Variants in NDUFS6 observed in about 807,000 individuals in gnomAD.
The protein encoded by NDUFS6 is NADH dehydrogenase [ubiquinone] iron-sulfur protein 6, mitochondrial.
Under a neutral mutation model 13.2 loss-of-function variants are expected in NDUFS6, and 14 were observed. The ratio of observed to expected loss-of-function variants is 1.06; its 90% CI spans 0.70 to 1.66. NDUFS6 has a LOEUF of 1.66. Among genes scored for constraint, NDUFS6 ranks in the 40% most tolerant of loss-of-function variants. The probability of loss-of-function intolerance (pLI) is 0.00; values close to 1 mark genes in which losing one functional copy is unlikely to be tolerated. For missense variants in NDUFS6, 206 were observed against 170.8 expected, an observed-to-expected ratio of 1.21 and a Z score of -1.15; for synonymous variants, 95 against 72.3, an observed-to-expected ratio of 1.31 and a Z score of -1.60.
At chr5:1,815,619 G>C (rs778193826) in intron 3 of NDUFS6, among the ~76,000 whole-genome samples, 5 of 152,242 alleles carry the variant, frequency 3.3e-5, no homozygotes, top group Non-Finnish European at 5.9e-5. Context: ...CAGGCTGACA[G>C]TGATGTCCCT....
chr5:1,802,271 T>G, intron 1 of NDUFS6, 50 bp from the exon 2 acceptor site: 1 of 1,518,758 alleles, frequency 6.6e-7, no homozygotes. Flanking sequence ...TGAAGTGACT[T>G]TCAGAATTAG....
At position 1,801,446 on chromosome 5, in the gene NDUFS6, T is replaced by G. The variant is rs1261905741; in HGVS notation, c.29T>G (p.Leu10Arg). MAAAMTFCR[L>R]LNRCGEAARS... ...GCGGCGGCGATGACCTTCTGCCGGCTGCTGAACCGGTGTGGCGAGGCGGCG... is the reference window on the plus strand; with the variant it reads ...GCGGCGGCGATGACCTTCTGCCGGCGGCTGAACCGGTGTGGCGAGGCGGCG... The change falls in exon 1 of 4, where the codon CTG becomes CGG. Residue 10 changes from leucine (L) to arginine (R), a missense_variant. Leu to Arg is a moderately radical substitution (Grantham distance 102). Transcript: ENST00000274137. 4.4e-6 allele frequency: 7 copies of G among 1,605,126 alleles called. No homozygotes were observed. Among genetic ancestry groups the G allele is most frequent in the Non-Finnish European group, 5.9e-6 (7 of 1,178,644 alleles).
At chr5:1,801,624 G>A in intron 1 of NDUFS6, 75 bp downstream of exon 1, 4 of 1,509,634 alleles carry the variant, frequency 2.6e-6, no homozygotes, top group Non-Finnish European at 3.5e-6. Context: ...GGCTCGCCGG[G>A]CATCCGCGGC....
intron 2 of NDUFS6, among the ~76,000 whole-genome samples, chr5:1,810,406 C>T (rs1345965331): frequency 6.6e-6 from 1 of 152,180 alleles, no homozygotes; most frequent in Non-Finnish European, 1.5e-5. Flanking sequence ...CCCATAGCTT[C>T]CCGGTTCTTC....
At chr5:1,806,012 A>G (rs1425667680) in intron 2 of NDUFS6, among the ~76,000 whole-genome samples, 1 of 152,206 alleles carries the variant, frequency 6.6e-6, no homozygotes, top group African/African-American at 2.4e-5. Flanking sequence ...GGAAGCCTCT[A>G]GTGTGTGTTC....
chr5:1,808,555 C>A (rs1187007055), intron 2 of NDUFS6, among the ~76,000 whole-genome samples: 1 of 152,142 alleles, frequency 6.6e-6, no homozygotes, highest in Non-Finnish European at 1.5e-5. Context: ...TGTGAGCTGG[C>A]GAGATGGGCT....
At chr5:1,815,777 C>A in intron 3 of NDUFS6, 74 bp from the exon 4 acceptor site, 1 of 1,447,752 alleles carries the variant, frequency 6.9e-7, no homozygotes, top group Non-Finnish European at 9.7e-7. Context: ...TTTATACATA[C>A]ATTTTCAATG....
chr5:1,802,088 C>T, intron 1 of NDUFS6: 1 of 534,540 alleles, frequency 1.9e-6, no homozygotes, highest in Admixed American at 3.4e-5. Flanking sequence ...TTAGCTCCAC[C>T]TTCCCGGGCT....
At chr5:1,804,516 A>G (rs1264367958) in intron 2 of NDUFS6, among the ~76,000 whole-genome samples, 1 of 152,332 alleles carries the variant, frequency 6.6e-6, no homozygotes, top group Admixed American at 6.5e-5. Flanking sequence ...GCCTTCCCCC[A>G]TTCAGCATCC....
rs780552212 is a variant in NDUFS6, at chr5:1,814,318, A to C, written c.187-21A>C. The C allele has an allele frequency of 1.2e-6, 2 of 1,614,136 alleles. No individual in the cohort carries two copies. The highest frequency in any genetic ancestry group is 1.7e-6 in the Non-Finnish European group (2 of 1,180,008). ...AGCAAGTTTGTGTATTTGTTTACGT[A>C]AGTCTTTCTTCTTGTTCCAGGTGAA... On this transcript the variant is annotated intron_variant, in intron 2 of 3. Coordinates refer to ENST00000274137, the MANE Select transcript of NDUFS6 (RefSeq NM_004553.6). This position sits in a 1 kb window ranked among gnomAD's most constrained non-coding sequence, Gnocchi z 4.9.
intron 2 of NDUFS6, among the ~76,000 whole-genome samples, chr5:1,810,755 C>T (rs370139687): frequency 6.6e-6 from 1 of 151,876 alleles, no homozygotes; most frequent in East Asian, 1.9e-4. Context: ...TCCGGCTCAG[C>T]TCTGCTAATC....
Position 1,802,973 on chromosome 5 carries a change from C to T in NDUFS6, c.186+599C>T, listed in dbSNP as rs114221143. On this transcript the variant is annotated intron_variant, in intron 2 of 3. Coordinates refer to ENST00000274137, the MANE Select transcript of NDUFS6 (RefSeq NM_004553.6). ...ACTCATGTCAATGAGCTCCTGAATT[C>T]GTAATTAGATCAGGCATGCCTCCAT... Among the ~76,000 whole-genome samples the T allele has an allele frequency of 9.1e-3, 1,383 of 151,820 alleles. 22 individuals carry two copies. The highest frequency in any genetic ancestry group is 0.031 in the African/African-American group (1,294 of 41,430).
At position 1,801,526 on chromosome 5, in the gene NDUFS6, G is replaced by T. The variant is rs759473851; in HGVS notation, c.109G>T (p.Glu37Ter). 3 of 1,594,430 alleles carry T rather than the reference G, an allele frequency of 1.9e-6. No homozygotes were observed. The highest frequency in any genetic ancestry group is 1.7e-4 in the Middle Eastern group (1 of 5,984). ...CFGVRVSPTG[E>*]KVTHTGQVYD... ...CGGGGTGCGGGTCTCGCCGACCGGGGAGAAGGTCACGCACACTGGCCAGGT... is the reference window on the plus strand; with the variant it reads ...CGGGGTGCGGGTCTCGCCGACCGGGTAGAAGGTCACGCACACTGGCCAGGT... The change falls in exon 1 of 4, where the codon GAG (glutamate) becomes TAG (stop). Residue 37 changes from glutamate to a stop codon, truncating the protein, a stop_gained. Transcript: ENST00000274137. LOFTEE classifies it high-confidence loss of function.
chr5:1,809,047 C>T (rs1410583309), intron 2 of NDUFS6, among the ~76,000 whole-genome samples: 1 of 152,148 alleles, frequency 6.6e-6, no homozygotes, highest in African/African-American at 2.4e-5. Flanking sequence ...TATGTTTTAT[C>T]TTTAATAGAT....
intron 2 of NDUFS6, among the ~76,000 whole-genome samples, chr5:1,806,100 A>G (rs1375898187): frequency 6.6e-6 from 1 of 152,252 alleles, no homozygotes; most frequent in Non-Finnish European, 1.5e-5. Context: ...ACTGAAGTTA[A>G]ACGTTAGTGT....
In NDUFS6 at chr5:1,814,519, C is replaced by G; in HGVS notation, c.309+58C>G. On this transcript the variant is annotated intron_variant, in intron 3 of 3. Transcript: ENST00000274137. This position sits in a 1 kb window ranked among gnomAD's most constrained non-coding sequence, Gnocchi z 4.9. The stretch of plus-strand genomic sequence containing the variant: ...GCAGCCTGCTCGTCCTCATACTCCC[C>G]TTCACTCCCAGTGCCTGTTCTTTCT... The G allele has an allele frequency of 1.2e-6, 2 of 1,613,194 alleles. No individual in the cohort carries two copies. The highest frequency in any genetic ancestry group is 1.7e-6 in the Non-Finnish European group (2 of 1,179,548).
At chr5:1,810,038 G>A (rs1186509345) in intron 2 of NDUFS6, among the ~76,000 whole-genome samples, 2 of 152,080 alleles carry the variant, frequency 1.3e-5, no homozygotes, top group South Asian at 2.1e-4. Context: ...AAACCTTTCC[G>A]AAACATATCT....
chr5:1,809,826 G>A (rs889949915), intron 2 of NDUFS6, among the ~76,000 whole-genome samples: 8 of 152,252 alleles, frequency 5.3e-5, no homozygotes, highest in African/African-American at 1.9e-4. Context: ...AAGGCGCTGC[G>A]ACAAGGCGAG....
intron 2 of NDUFS6, among the ~76,000 whole-genome samples, chr5:1,806,644 C>T (rs183425293): frequency 3.7e-4 from 56 of 152,202 alleles, no homozygotes; most frequent in African/African-American, 1.3e-3. Context: ...CTACCAAGAC[C>T]CTCCAAACAG....
Sources: allele counts gnomAD v4.1 joint callset (sites outside exome capture counted in the v4.1 genomes callset), GRCh38; gene constraint gnomAD v4.1.1; non-coding constraint Gnocchi (gnomAD v3.1); transcripts MANE v1.5; gene names NCBI Gene and HGNC (gene_info 2026-07-23, HGNC 2026-07-21).